The following PUDP variants were observed in gnomAD, a reference collection of about 807,000 sequenced individuals.
The protein encoded by PUDP is pseudouridine-5'-phosphatase.
In PUDP, 8 loss-of-function variants were observed where a neutral mutation model predicts 9.4. The ratio of observed to expected loss-of-function variants is 0.85; its 90% CI spans 0.50 to 1.53. The LOEUF is 1.53. Ranked by LOEUF, PUDP falls within the 40% of genes most tolerant of loss-of-function variation. The pLI, the probability that PUDP is intolerant of heterozygous loss-of-function variation, is 0.00. For synonymous variants in PUDP, 99 were observed against 80.7 expected, an observed-to-expected ratio of 1.23 and a Z score of -1.22; for missense variants, 188 against 189.7, an observed-to-expected ratio of 0.99 and a Z score of 0.05.
intron 1 of PUDP, among the ~76,000 whole-genome samples, chrX:7,017,395 T>C (rs1303452446): frequency 1.8e-5 from 2 of 111,929 alleles, no homozygotes; most frequent in East Asian, 5.6e-4. Context: ...ATATTATTTA[T>C]TGTCAAACTT....
At chrX:7,020,492 G>A (rs527505590) in intron 1 of PUDP, among the ~76,000 whole-genome samples, 7 of 111,228 alleles carry the variant, frequency 6.3e-5, no homozygotes, top group African/African-American at 2.3e-4. Flanking sequence ...TATCACTGAT[G>A]CCAAAAGGTG....
intron 1 of PUDP, among the ~76,000 whole-genome samples, chrX:7,024,432 A>G (rs1206392295): frequency 1.8e-5 from 2 of 111,094 alleles, no homozygotes; most frequent in Non-Finnish European, 3.8e-5. Flanking sequence ...TTCTACATCT[A>G]CTAAGATGAT....
At chrX:6,999,523 G>T (rs1929296102) in intron 1 of PUDP, among the ~76,000 whole-genome samples, 1 of 111,937 alleles carries the variant, frequency 8.9e-6, no homozygotes, top group South Asian at 3.7e-4. Context: ...AGTTCATAAA[G>T]CAGGTTTTCA....
chrX:6,763,756 A>G (rs1925254150), intron 3 of PUDP, among the ~76,000 whole-genome samples: 1 of 111,919 alleles, frequency 8.9e-6, no homozygotes, highest in Non-Finnish European at 1.9e-5. Context: ...TATTTTTCTA[A>G]GTAATTAATT....
At chrX:6,929,119 A>G (rs969776255) in intron 3 of PUDP, among the ~76,000 whole-genome samples, 5 of 112,495 alleles carry the variant, frequency 4.4e-5, no homozygotes, top group Non-Finnish European at 9.4e-5. Context: ...ACTTTCTACT[A>G]GATTTCCAGA....
At chrX:6,916,411 GTTTT>G (rs371625779) in intron 3 of PUDP, among the ~76,000 whole-genome samples, 2 of 95,027 alleles carry the variant, frequency 2.1e-5, no homozygotes, top group Non-Finnish European at 4.2e-5. Context: ...TGCATCCCCA[GTTTT>G]TTTTTTTTTT....
At chrX:6,829,540 G>A (rs2146712077) in intron 3 of PUDP, among the ~76,000 whole-genome samples, 1 of 111,737 alleles carries the variant, frequency 8.9e-6, no homozygotes, top group South Asian at 3.8e-4. Flanking sequence ...CTAGCATTTG[G>A]TACTGTTGGT....
intron 3 of PUDP, among the ~76,000 whole-genome samples, chrX:6,931,773 C>G (rs1166156057): frequency 1.8e-5 from 2 of 110,999 alleles, no homozygotes; most frequent in African/African-American, 6.6e-5. Context: ...ACCGGGAGGA[C>G]GCAATCCCAA....
chrX:6,859,141 G>T (rs142821707), intron 3 of PUDP, among the ~76,000 whole-genome samples: 1,799 of 111,598 alleles, frequency 0.016, 33 homozygotes, highest in African/African-American at 0.057. Flanking sequence ...CTCACCTTCT[G>T]CCATGATTGT....
rs186153208 is a variant in PUDP at position 6,815,246 on chromosome X, C to T, written c.*248-108780G>A. On this transcript the variant is annotated intron_variant and NMD_transcript_variant, in intron 3 of 3. Coordinates refer to the PUDP transcript ENST00000655425. ...ATGAAAATAACATGCCCCAAATATG[C>T]CACATTCTTCTCTGGAAAAGAAATT... is the stretch of plus-strand genomic sequence containing the variant. 2.7e-5 allele frequency among the ~76,000 whole-genome samples: 3 copies of T among 109,937 alleles called. No individual in the cohort carries two copies. The East Asian group carries it at 8.5e-4, about 31-fold the overall frequency.
chrX:6,902,293 TCC>T (rs1460240192), intron 3 of PUDP, among the ~76,000 whole-genome samples: 1 of 112,044 alleles, frequency 8.9e-6, no homozygotes, highest in African/African-American at 3.2e-5. Flanking sequence ...CAGTCTGTGT[TCC>T]CAATTCAATT....
At chrX:6,899,758 T>C (rs186103795) in intron 3 of PUDP, among the ~76,000 whole-genome samples, 8 of 110,645 alleles carry the variant, frequency 7.2e-5, no homozygotes, top group Non-Finnish European at 7.6e-5. Flanking sequence ...TTGATGAACT[T>C]TGTAAATTTG....
intron 3 of PUDP, among the ~76,000 whole-genome samples, chrX:7,075,978 C>A (rs192237862): frequency 9.0e-6 from 1 of 110,825 alleles, no homozygotes; most frequent in Non-Finnish European, 1.9e-5. Context: ...GGGCCTTAAC[C>A]TTCGGGGTCT....
At chrX:6,967,646 G>A (rs918565323) in intron 3 of PUDP, among the ~76,000 whole-genome samples, 1 of 111,346 alleles carries the variant, frequency 9.0e-6, no homozygotes, top group Non-Finnish European at 1.9e-5. Flanking sequence ...CCTTGGAAGC[G>A]AACTTCTCTC....
intron 3 of PUDP, among the ~76,000 whole-genome samples, chrX:6,845,260 C>T (rs1022754111): frequency 1.8e-5 from 2 of 111,519 alleles, no homozygotes; most frequent in African/African-American, 3.3e-5. Flanking sequence ...TACTTGGAGT[C>T]CTTATGTAAA....
intron 3 of PUDP, among the ~76,000 whole-genome samples, chrX:6,759,923 A>G (rs1471851854): frequency 3.5e-5 from 3 of 85,869 alleles, no homozygotes; most frequent in Non-Finnish European, 7.3e-5. Flanking sequence ...CCTCGATATC[A>G]TGGCACCCTA....
intron 3 of PUDP, among the ~76,000 whole-genome samples, chrX:6,835,997 G>A (rs1166381051): frequency 1.8e-5 from 2 of 110,872 alleles, no homozygotes; most frequent in Non-Finnish European, 3.8e-5. Flanking sequence ...GGGATTACAG[G>A]TGTGAGCCAC....
At chrX:7,081,914 A>C (rs1053863094) in intron 2 of PUDP, among the ~76,000 whole-genome samples, 14 of 112,923 alleles carry the variant, frequency 1.2e-4, no homozygotes, top group Non-Finnish European at 2.6e-4. Flanking sequence ...GATCCTAATC[A>C]CCTGATTCAA....
chrX:7,056,727 G>A (rs897211936), intron 3 of PUDP, among the ~76,000 whole-genome samples: 1 of 111,375 alleles, frequency 9.0e-6, no homozygotes, highest in Non-Finnish European at 1.9e-5. Context: ...GGTGTCCTGG[G>A]TACAGGACTT....
Sources: allele counts gnomAD v4.1 joint callset (sites outside exome capture counted in the v4.1 genomes callset), GRCh38; gene constraint gnomAD v4.1.1; transcripts MANE v1.5; gene names NCBI Gene and HGNC (gene_info 2026-07-23, HGNC 2026-07-21).